The following CTDP1 variants were observed in gnomAD, a reference collection of about 807,000 sequenced individuals.
The protein encoded by CTDP1 is CTD phosphatase 1.
In CTDP1, 47 loss-of-function variants were observed where a neutral mutation model predicts 91.8. The ratio of observed to expected loss-of-function variants is 0.51; its 90% CI spans 0.41 to 0.65. CTDP1 has a LOEUF of 0.65. Among genes scored for constraint, CTDP1 ranks in the 30% least tolerant of loss-of-function variants. CTDP1 has a pLI of 0.00. For synonymous variants in CTDP1, 656 were observed against 598.5 expected (o/e 1.10, Z -1.40); for missense variants, 1,272 against 1,373.7 (o/e 0.93, Z 1.17).
chr18:79,736,331 C>G (rs1010844366), intron 11 of CTDP1, 24 bp from the exon 12 acceptor site: 1 of 1,548,888 alleles, frequency 6.5e-7, no homozygotes, highest in Non-Finnish European at 8.7e-7. Flanking sequence ...GGAGGTCTGT[C>G]GCTGACTCTT....
At chr18:79,695,585 G>T (rs984195601) in intron 2 of CTDP1, among the ~76,000 whole-genome samples, 1 of 152,200 alleles carries the variant, frequency 6.6e-6, no homozygotes. Flanking sequence ...GACGCAGATC[G>T]CTGAGTGCCT....
intron 12 of CTDP1, among the ~76,000 whole-genome samples, chr18:79,749,440 G>A (rs907371270): frequency 2.6e-5 from 4 of 151,562 alleles, no homozygotes; most frequent in Non-Finnish European, 5.9e-5. Context: ...AGGGGCCAGG[G>A]CTCCCTTGAG....
At position 79,679,989 on chromosome 18, in the gene CTDP1, C is replaced by T; in HGVS notation, c.42C>T (p.Ala14=). 1 of 1,342,716 alleles carries T rather than the reference C, an allele frequency of 7.4e-7. No homozygotes were observed. Among genetic ancestry groups the T allele is most frequent in the Non-Finnish European group, 9.6e-7 (1 of 1,044,526 alleles). The allele number at this position is 1,342,716 out of a possible 1,614,324, so 83.2% of individuals were successfully genotyped here. ...PAAGRVPAEG[A]PTAAVAEVRC... ...CGGGTCGCGTTCCTGCCGAGGGCGC[C>T]CCGACGGCGGCTGTGGCCGAGGTGC... is the stretch of plus-strand genomic sequence containing the variant. Residue 14 remains alanine (A), a synonymous_variant, in exon 1 of 13, where the codon GCC becomes GCT. Coordinates refer to ENST00000613122, the MANE Select transcript of CTDP1 (RefSeq NM_004715.5).
intron 4 of CTDP1, among the ~76,000 whole-genome samples, chr18:79,699,681 C>T (rs2085819820): frequency 6.6e-6 from 1 of 152,104 alleles, no homozygotes; most frequent in African/African-American, 2.4e-5. Context: ...CTGTTTCCTG[C>T]TTTTATTGTG....
At chr18:79,735,267 C>T (rs1171281137) in intron 11 of CTDP1, among the ~76,000 whole-genome samples, 1 of 152,170 alleles carries the variant, frequency 6.6e-6, no homozygotes, top group African/African-American at 2.4e-5. Context: ...CCTCAAGGCC[C>T]CAGCCAGGTG....
At chr18:79,733,586 C>T (rs967479841) in intron 11 of CTDP1, among the ~76,000 whole-genome samples, 4 of 151,956 alleles carry the variant, frequency 2.6e-5, no homozygotes, top group Non-Finnish European at 5.9e-5. Context: ...TCTCCAGCTG[C>T]GTTACCTCGT....
In CTDP1 at chr18:79,713,993, G is replaced by A. The variant is rs184036894; in HGVS notation, c.1031-498G>A. Among the ~76,000 whole-genome samples the A allele has an allele frequency of 6.5e-3, 711 of 109,990 alleles. 53 individuals are homozygous for A. In the East Asian group the frequency reaches 0.12, roughly 18 times the overall value. 72.2% of individuals were successfully genotyped at this position (109,990 alleles called of 152,430 possible). ...CAGGTCTGCAGGGGCTTACGGCCAC[G>A]GTGGTGCCAGGTCTGCAGGGGCTTA... On this transcript the variant is annotated intron_variant, in intron 7 of 12. Transcript: ENST00000613122. This position sits in a 1 kb window ranked among gnomAD's most constrained non-coding sequence, Gnocchi z 4.7.
rs776598643 is a variant in CTDP1 at position 79,710,402 on chromosome 18, T to A, written c.829T>A (p.Cys277Ser). 1 of 1,614,102 alleles carries A rather than the reference T, an allele frequency of 6.2e-7. No homozygotes were observed. Among genetic ancestry groups the A allele is most frequent in the Non-Finnish European group, 8.5e-7 (1 of 1,179,980 alleles). ...TCACCGAATATTATCAAGGGATGAA[T>A]GTATTGACCCATTTTCTAAAACGGG... ...FSHRILSRDE[C>S]IDPFSKTGNL... Residue 277 changes from cysteine (C) to serine (S), a missense_variant, in exon 6 of 13, where the codon TGT becomes AGT. Cys to Ser is a moderately radical substitution (Grantham distance 112). Coordinates refer to ENST00000613122, the MANE Select transcript of CTDP1 (RefSeq NM_004715.5).
chr18:79,709,076 C>T (rs373333690), intron 5 of CTDP1, among the ~76,000 whole-genome samples: 46 of 152,294 alleles, frequency 3.0e-4, no homozygotes, highest in African/African-American at 1.1e-3. Flanking sequence ...CATAATTAAC[C>T]GTAGCTTTTT....
chr18:79,692,287 C>T (rs78961943), intron 1 of CTDP1, among the ~76,000 whole-genome samples: 9,453 of 152,142 alleles, frequency 0.062, 419 homozygotes, highest in South Asian at 0.16. Context: ...CCCCGCCCGC[C>T]ATGGAGTTTT....
chr18:79,680,320 G>A (rs1568166820), intron 1 of CTDP1, 59 bp downstream of exon 1: 2 of 1,220,654 alleles, frequency 1.6e-6, no homozygotes, highest in Non-Finnish European at 2.1e-6. Context: ...GGATCCTGGA[G>A]GACCCCCGGG....
intron 4 of CTDP1, among the ~76,000 whole-genome samples, chr18:79,704,547 C>T (rs887381517): frequency 3.3e-5 from 5 of 152,238 alleles, no homozygotes; most frequent in African/African-American, 1.2e-4. Context: ...AACGTGTATC[C>T]TCTGTCCCAT....
intron 11 of CTDP1, among the ~76,000 whole-genome samples, chr18:79,734,129 A>G (rs1206300602): frequency 6.6e-6 from 1 of 152,196 alleles, no homozygotes; most frequent in Non-Finnish European, 1.5e-5. Context: ...TCTGTAGAAC[A>G]GCTTGTTCCA....
upstream of CTDP1, chr18:79,679,359 G>A (rs1010362612): frequency 1.3e-5 from 6 of 451,390 alleles, no homozygotes; most frequent in African/African-American, 6.0e-5. Flanking sequence ...CGCAAGGCAT[G>A]CCGGGACCCG....
At chr18:79,694,806 T>C (rs2085713961) in intron 1 of CTDP1, among the ~76,000 whole-genome samples, 1 of 151,364 alleles carries the variant, frequency 6.6e-6, no homozygotes. Context: ...CAGGAAAATG[T>C]AGTTGCATCA....
intron 6 of CTDP1, among the ~76,000 whole-genome samples, chr18:79,711,673 A>G (rs997167485): frequency 6.6e-6 from 1 of 152,162 alleles, no homozygotes; most frequent in African/African-American, 2.4e-5. Context: ...ATAATTTACA[A>G]AATCCTAAGT....
intron 11 of CTDP1, among the ~76,000 whole-genome samples, chr18:79,730,582 C>G (rs2086545349): frequency 6.6e-6 from 1 of 152,242 alleles, no homozygotes; most frequent in East Asian, 1.9e-4. Context: ...CCAGATGTAG[C>G]TCTTTGGGAA....
At chr18:79,740,170 C>T (rs1463810253) in intron 12 of CTDP1, among the ~76,000 whole-genome samples, 2 of 146,462 alleles carry the variant, frequency 1.4e-5, no homozygotes, top group African/African-American at 5.0e-5. Context: ...ACGGCCGGGA[C>T]GGGTGGGACT....
In CTDP1 at chr18:79,713,405, C is replaced by T. The variant is rs1380622181; in HGVS notation, c.1030+267C>T. Among the ~76,000 whole-genome samples, 4 of 152,198 alleles carry T rather than the reference C, an allele frequency of 2.6e-5. No individual in the cohort carries two copies. The highest frequency in any genetic ancestry group is 9.7e-5 in the African/African-American group (4 of 41,438). On this transcript the variant is annotated intron_variant, in intron 7 of 12. Transcript: ENST00000613122. This position sits in a 1 kb window ranked among gnomAD's most constrained non-coding sequence, Gnocchi z 4.7. ...GAGGATGCTGTTTAACCTAACACAT[C>T]CGAATAACTCCCTTCATCCCAGTTT... is the stretch of plus-strand genomic sequence containing the variant.
Sources: gnomAD v4.1 joint callset for allele counts (sites outside exome capture counted in the v4.1 genomes callset) on GRCh38, gnomAD v4.1.1 for gene constraint, Gnocchi (gnomAD v3.1) non-coding constraint, MANE v1.5 for transcripts, NCBI Gene and HGNC (gene_info 2026-07-23, HGNC 2026-07-21) for gene names.